FSTL4: variants seen among roughly 807,000 people sequenced by gnomAD.
FSTL4 encodes follistatin like 4.
FSTL4 carries 28 observed loss-of-function variants against 78.2 expected under a neutral mutation model. The observed-to-expected ratio is 0.36, with a 90% CI of 0.27 to 0.49. The LOEUF (loss-of-function observed/expected upper bound fraction) is 0.49, where lower values mean the gene tolerates loss of function less well. Ranked by LOEUF, FSTL4 falls within the 20% of genes least tolerant of loss-of-function variation. FSTL4 has a pLI of 0.98. For synonymous variants in FSTL4, 422 were observed against 440.5 expected (o/e 0.96, Z 0.53); for missense variants, 922 against 1,084.9 (o/e 0.85, Z 2.11).
chr5:133,467,396 C>A (rs534411378), intron 3 of FSTL4, among the ~76,000 whole-genome samples: 1 of 152,130 alleles, frequency 6.6e-6, no homozygotes, highest in African/African-American at 2.4e-5. Flanking sequence ...GAGGCTGGCT[C>A]TCCCCTCCCT....
chr5:133,423,609 G>A (rs990191383), intron 3 of FSTL4, among the ~76,000 whole-genome samples: 1 of 152,202 alleles, frequency 6.6e-6, no homozygotes, highest in African/African-American at 2.4e-5. Flanking sequence ...GGATGATGGC[G>A]GTGAGGCGGT....
At chr5:133,259,666 C>T (rs1024613385) in intron 6 of FSTL4, among the ~76,000 whole-genome samples, 8 of 151,666 alleles carry the variant, frequency 5.3e-5, no homozygotes, top group African/African-American at 1.9e-4. Context: ...GGCTGTTGTG[C>T]AAATAACGGA....
At chr5:133,604,038 G>A (rs748382253) in intron 1 of FSTL4, 45 bp from the exon 2 acceptor site, 10 of 1,411,092 alleles carry the variant, frequency 7.1e-6, no homozygotes, top group Non-Finnish European at 1.0e-5. Context: ...ATTATGAGAT[G>A]GATATAATAA....
At chr5:133,512,815 AT>A (rs1758763919) in intron 3 of FSTL4, among the ~76,000 whole-genome samples, 1 of 128,798 alleles carries the variant, frequency 7.8e-6, no homozygotes, top group African/African-American at 2.5e-5. Context: ...ACTGGATAAG[AT>A]TTTCTTCCTT....
chr5:133,466,541 CAA>C (rs775476593), intron 3 of FSTL4, among the ~76,000 whole-genome samples: 28 of 113,084 alleles, frequency 2.5e-4, no homozygotes, highest in Non-Finnish European at 2.5e-4. Context: ...GACTCTGTCT[CAA>C]AAAAAAAAAA....
the FSTL4 span, among the ~76,000 whole-genome samples, chr5:133,809,182 A>G: frequency 1.3e-5 from 2 of 151,894 alleles, no homozygotes; most frequent in Non-Finnish European, 2.9e-5. Flanking sequence ...CCTGGCCAAC[A>G]TGGTGAAACC....
At chr5:133,349,295 CTGTGTGTGTGTGTG>C (rs1554107119) in intron 4 of FSTL4, among the ~76,000 whole-genome samples, 1,915 of 139,772 alleles carry the variant, frequency 0.014, 21 homozygotes, top group Non-Finnish European at 0.021. Context: ...GCCTCTCTCT[CTGTGTGTGTGTGTG>C]TGTGTGTGTG....
At chr5:133,712,125 A>C in the FSTL4 span, among the ~76,000 whole-genome samples, 2 of 152,198 alleles carry the variant, frequency 1.3e-5, no homozygotes, top group Non-Finnish European at 2.9e-5. Flanking sequence ...CGGAGCAGGC[A>C]GTTAAAGTCC....
At chr5:133,665,520 C>CTA in the FSTL4 span, among the ~76,000 whole-genome samples, 1 of 152,182 alleles carries the variant, frequency 6.6e-6, no homozygotes, top group Non-Finnish European at 1.5e-5. Flanking sequence ...ATGCCTCTGC[C>CTA]ACGGTGCTTG....
At chr5:133,711,053 G>A in the FSTL4 span, among the ~76,000 whole-genome samples, 2 of 152,202 alleles carry the variant, frequency 1.3e-5, no homozygotes, top group African/African-American at 4.8e-5. Context: ...CCAGATTCTG[G>A]TTGGATGTGC....
the FSTL4 span, among the ~76,000 whole-genome samples, chr5:133,764,755 TCAAATTCCTTC>T: frequency 6.6e-6 from 1 of 152,172 alleles, no homozygotes. Flanking sequence ...CCATGATCTG[TCAAATTCCTTC>T]CATGGATCAT....
At chr5:133,327,303 T>C (rs1175996501) in intron 4 of FSTL4, among the ~76,000 whole-genome samples, 2 of 152,232 alleles carry the variant, frequency 1.3e-5, no homozygotes, top group African/African-American at 4.8e-5. Context: ...TTTCAGCTTC[T>C]AGAAGGGTAG....
the FSTL4 span, among the ~76,000 whole-genome samples, chr5:133,657,796 T>C: frequency 6.7e-6 from 1 of 150,040 alleles, no homozygotes; most frequent in African/African-American, 2.4e-5. Context: ...TTTTTACCAA[T>C]TTCTGTGTAG....
At chr5:133,519,240 C>G (rs890742615) in intron 3 of FSTL4, among the ~76,000 whole-genome samples, 8 of 152,228 alleles carry the variant, frequency 5.3e-5, no homozygotes. Flanking sequence ...TAAAAACACA[C>G]AACACATTTC....
In FSTL4 at chr5:133,316,592, G is replaced by A; in HGVS notation, c.470C>T (p.Thr157Ile). The change falls in exon 5 of 16, where the codon ACC (threonine) becomes ATC (isoleucine). Residue 157 changes from threonine (T) to isoleucine (I), a missense_variant. By Grantham distance (89) the Thr-to-Ile change is moderately conservative. Coordinates refer to ENST00000265342, the MANE Select transcript of FSTL4 (RefSeq NM_015082.2). ...RLKNVLLALQ[T>I]RLQPLQEGDS... ...TCCTTCTTGGAGTGGCTGCAGACGG[G>A]TCTGGAGTGCCAGAAGGACATTCTT... 1 of 1,614,184 alleles carries A rather than the reference G, an allele frequency of 6.2e-7. No homozygotes were observed. The highest frequency in any genetic ancestry group is 8.5e-7 in the Non-Finnish European group (1 of 1,180,002).
At chr5:133,798,141 A>C in the FSTL4 span, among the ~76,000 whole-genome samples, 1 of 152,218 alleles carries the variant, frequency 6.6e-6, no homozygotes, top group East Asian at 1.9e-4. Context: ...GGCCCATCCC[A>C]GACCCTACTG....
the FSTL4 span, among the ~76,000 whole-genome samples, chr5:133,715,858 A>T: frequency 6.6e-6 from 1 of 152,098 alleles, no homozygotes; most frequent in Non-Finnish European, 1.5e-5. Context: ...TGCTTTCCCC[A>T]CTCAGCTCCA....
Position 133,612,308 on chromosome 5 carries a change from G to T in FSTL4, c.-11+17C>A, listed in dbSNP as rs1349990386. 2 of 150,916 alleles carry T rather than the reference G, an allele frequency of 1.3e-5. No individual in the cohort carries two copies. Among genetic ancestry groups the T allele is most frequent in the African/African-American group, 4.8e-5 (2 of 41,258 alleles). The allele number at this position is 150,916 out of a possible 1,614,324, so 9.3% of individuals were successfully genotyped here. On this transcript the variant is annotated intron_variant, in intron 1 of 15. Transcript: ENST00000265342. The surrounding 1 kb of genome is among the most constrained non-coding windows in gnomAD (Gnocchi z 6.2). ...ATGGCACCCTCCCCGCGCCCGCTGG[G>T]AGCTGCGCCCGCGTACCTGAGACGG...
chr5:133,382,249 TG>T (rs1489401601), intron 4 of FSTL4, among the ~76,000 whole-genome samples: 2 of 152,254 alleles, frequency 1.3e-5, no homozygotes, highest in Non-Finnish European at 2.9e-5. Flanking sequence ...GAAGGCCATG[TG>T]GGCCTGGGTC....
Sources: allele counts gnomAD v4.1 joint callset (sites outside exome capture counted in the v4.1 genomes callset), GRCh38; gene constraint gnomAD v4.1.1; non-coding constraint Gnocchi (gnomAD v3.1); transcripts MANE v1.5; gene names NCBI Gene and HGNC (gene_info 2026-07-23, HGNC 2026-07-21).